The following SS18 variants were observed in gnomAD, a reference collection of about 807,000 sequenced individuals.
SS18 encodes the protein SS18 subunit of BAF chromatin remodeling complex.
In SS18, 28 loss-of-function variants were observed where a neutral mutation model predicts 72.5. That is an observed-to-expected ratio of 0.39 (90% CI 0.29 to 0.53). SS18 has a LOEUF of 0.53. Ranked by LOEUF, SS18 falls within the 20% of genes least tolerant of loss-of-function variation. The pLI is 0.76. For missense variants in SS18, 518 were observed against 535.3 expected (o/e 0.97, Z 0.32); for synonymous variants, 172 against 164.2 (o/e 1.05, Z -0.37).
intron 10 of SS18, among the ~76,000 whole-genome samples, chr18:26,021,669 G>A (rs945977990): frequency 2.6e-5 from 4 of 152,128 alleles, no homozygotes; most frequent in Non-Finnish European, 5.9e-5. Context: ...AGAAATGAAT[G>A]GGTTCAAAAG....
At position 26,023,751 on chromosome 18, in the gene SS18, C is replaced by CAT. The variant is rs531595852; in HGVS notation, c.1231-5372_1231-5371insAT. The stretch of plus-strand genomic sequence containing the variant: ...TCAAGAAATGTTAACATCCTTCAGG[C>CAT]AAACAAAAATGATACCACATAGTAA... On this transcript the variant is annotated intron_variant, in intron 10 of 10. Coordinates refer to ENST00000415083, the MANE Select transcript of SS18 (RefSeq NM_001007559.3). 2.1e-3 allele frequency: 872 copies of CAT among 406,494 alleles called. 7 individuals are homozygous for CAT. Among genetic ancestry groups the CAT allele is most frequent in the Middle Eastern group, 4.0e-3 (12 of 3,028 alleles). The allele number at this position is 406,494 out of a possible 1,614,324, so 25.2% of individuals were successfully genotyped here. A position where few individuals can be genotyped will look rare whatever the true frequency, so the allele number is the denominator to read the frequency against.
At chr18:26,045,391 G>A (rs1170464739) in intron 5 of SS18, among the ~76,000 whole-genome samples, 3 of 152,054 alleles carry the variant, frequency 2.0e-5, no homozygotes, top group Admixed American at 6.6e-5. Flanking sequence ...CCAGTTCGAC[G>A]GGTCTCCTTG....
rs540530692 is a variant in SS18, at chr18:26,078,069, T to G, written c.231+7A>C. 1 of 1,596,062 alleles carries G rather than the reference T, an allele frequency of 6.3e-7. No homozygotes were observed. The highest frequency in any genetic ancestry group is 1.3e-5 in the African/African-American group (1 of 74,562). ...TGTCTACTTCACATGATTTTAAAGA[T>G]ACTTACTGCTGGTAAAAGAGACTGC... On this transcript the variant is annotated splice_region_variant and intron_variant, in intron 3 of 10. Coordinates refer to ENST00000415083, the MANE Select transcript of SS18 (RefSeq NM_001007559.3).
At chr18:26,070,514 T>C (rs570494878) in intron 3 of SS18, among the ~76,000 whole-genome samples, 1 of 152,358 alleles carries the variant, frequency 6.6e-6, no homozygotes, top group South Asian at 2.1e-4. Flanking sequence ...TATAAAGTTA[T>C]AATGCTTTGG....
At position 26,085,423 on chromosome 18, in the gene SS18, G is replaced by T. The variant is rs540507016; in HGVS notation, c.146+2078C>A. On this transcript the variant is annotated intron_variant, in intron 2 of 10. Coordinates refer to ENST00000415083, the MANE Select transcript of SS18 (RefSeq NM_001007559.3). ...TGTCTAATATCTACTGCTCACAGGG[G>T]TAGCTGAAAGCTAGGACTCTAAAAA... 5.7e-4 allele frequency among the ~76,000 whole-genome samples: 87 copies of T among 152,312 alleles called. 1 individual carries two copies. Among genetic ancestry groups the T allele is most frequent in the Non-Finnish European group, 6.5e-4 (44 of 68,036 alleles).
chr18:26,025,663 C>A lies in SS18; in HGVS notation c.1230+6736G>T, dbSNP rs7239467. ...GAAAAAAATAGATAACCTGAATACC[C>A]CCTATATTTCATAAATTAAATTTAT... On this transcript the variant is annotated intron_variant, in intron 10 of 10. Coordinates refer to ENST00000415083, the MANE Select transcript of SS18 (RefSeq NM_001007559.3). 3.2e-3 allele frequency among the ~76,000 whole-genome samples: 488 copies of A among 151,972 alleles called. 1 individual carries two copies. Among genetic ancestry groups the A allele is most frequent in the South Asian group, 7.3e-3 (35 of 4,812 alleles).
intron 10 of SS18, among the ~76,000 whole-genome samples, chr18:26,022,608 T>C (rs1380898080): frequency 6.6e-6 from 1 of 152,170 alleles, no homozygotes; most frequent in Middle Eastern, 3.2e-3. Context: ...GAAGGGGAAC[T>C]GAGGCTGAGT....
rs534818821 is a variant in SS18 at position 26,034,305 on chromosome 18, T to C, written c.1096+700A>G. ...AGTCAGTATTCATAAGCAGCTACTT[T>C]TCTTTCAACAGAGTTGTATCTAAAG... On this transcript the variant is annotated intron_variant, in intron 9 of 10. Transcript: ENST00000415083. 2.0e-5 allele frequency among the ~76,000 whole-genome samples: 3 copies of C among 152,312 alleles called. No homozygotes were observed. The South Asian group carries it at 6.2e-4, about 32-fold the overall frequency.
At chr18:26,090,369 C>T (rs907521064) in intron 1 of SS18, 132 bp downstream of exon 1, 20 of 893,896 alleles carry the variant, frequency 2.2e-5, no homozygotes, top group African/African-American at 2.0e-4. Flanking sequence ...GTCCGTGTTC[C>T]CAAACACTGC....
At chr18:26,070,119 G>A (rs544272252) in intron 3 of SS18, among the ~76,000 whole-genome samples, 14 of 152,176 alleles carry the variant, frequency 9.2e-5, no homozygotes, top group South Asian at 4.1e-4. Flanking sequence ...AGAAATCCAC[G>A]TAACAAAACT....
At chr18:26,065,800 C>CATATATATATATATAT (rs58222135) in intron 3 of SS18, among the ~76,000 whole-genome samples, 5,226 of 55,000 alleles carry the variant, frequency 0.095, 817 homozygotes, top group African/African-American at 0.11. Flanking sequence ...CCTACAAATC[C>CATATATATATATATAT]ATATATATAT....
intron 5 of SS18, among the ~76,000 whole-genome samples, chr18:26,043,634 T>C (rs1336457669): frequency 6.6e-6 from 1 of 152,218 alleles, no homozygotes; most frequent in Non-Finnish European, 1.5e-5. Flanking sequence ...ACCTAAATTA[T>C]ACACCTGTCC....
chr18:26,043,291 T>C (rs1433093194), intron 5 of SS18, among the ~76,000 whole-genome samples: 1 of 152,050 alleles, frequency 6.6e-6, no homozygotes, highest in Non-Finnish European at 1.5e-5. Context: ...CATGCCACTA[T>C]CTCCCATGAA....
intron 5 of SS18, among the ~76,000 whole-genome samples, chr18:26,039,743 ATGTG>A (rs1459721123): frequency 6.6e-6 from 1 of 152,166 alleles, no homozygotes; most frequent in African/African-American, 2.4e-5. Context: ...AACATCCTGA[ATGTG>A]TGTATTTTCC....
rs540950287 is a variant in SS18 at position 26,067,648 on chromosome 18, A to G, written c.232-9906T>C. On this transcript the variant is annotated intron_variant, in intron 3 of 10. Transcript: ENST00000415083. ...AAAATCTCCCAGGAAGAGTGCATAT[A>G]ACGAGAAAATGTTCAAGAATGGAGT... Among the ~76,000 whole-genome samples the G allele has an allele frequency of 2.6e-5, 4 of 152,350 alleles. No individual in the cohort carries two copies. In the South Asian group the frequency reaches 8.3e-4, roughly 32 times the overall value.
At chr18:26,043,864 A>G (rs1316840792) in intron 5 of SS18, among the ~76,000 whole-genome samples, 4 of 152,364 alleles carry the variant, frequency 2.6e-5, no homozygotes, top group South Asian at 2.1e-4. Flanking sequence ...AAAATCTTTC[A>G]TAACATTAGA....
chr18:26,086,464 T>C (rs1256769473), intron 2 of SS18, among the ~76,000 whole-genome samples: 1 of 152,236 alleles, frequency 6.6e-6, no homozygotes, highest in Non-Finnish European at 1.5e-5. Context: ...TAATTGTATA[T>C]TGAAATGATA....
At chr18:26,056,625 C>T (rs2054026900) in intron 4 of SS18, among the ~76,000 whole-genome samples, 3 of 151,390 alleles carry the variant, frequency 2.0e-5, no homozygotes, top group Non-Finnish European at 4.4e-5. Flanking sequence ...CATCCTTGGA[C>T]ACCAATGCTA....
chr18:26,064,886 T>C (rs1199749947), intron 3 of SS18: 1 of 151,992 alleles, frequency 6.6e-6, no homozygotes, highest in East Asian at 1.9e-4. Flanking sequence ...AATAAACCAT[T>C]AGAATAAGTG....
Sources: allele counts gnomAD v4.1 joint callset (sites outside exome capture counted in the v4.1 genomes callset), GRCh38; gene constraint gnomAD v4.1.1; transcripts MANE v1.5; gene names NCBI Gene and HGNC (gene_info 2026-07-23, HGNC 2026-07-21).